ZFYVE1: variants seen among roughly 807,000 people sequenced by gnomAD.
ZFYVE1 encodes the protein zinc finger FYVE-type containing 1, also known as zinc finger FYVE domain-containing protein 1.
In ZFYVE1, 30 loss-of-function variants were observed where a neutral mutation model predicts 74.4. The observed-to-expected ratio is 0.40, with a 90% CI of 0.30 to 0.55. ZFYVE1 has a LOEUF of 0.55. Ranked by LOEUF, ZFYVE1 falls within the 20% of genes least tolerant of loss-of-function variation. The pLI is 0.42. For missense variants in ZFYVE1, 703 were observed against 1,011.6 expected, an observed-to-expected ratio of 0.69 and a Z score of 4.14; for synonymous variants, 335 against 385.1, an observed-to-expected ratio of 0.87 and a Z score of 1.52.
rs745324866 is a variant in ZFYVE1 at position 72,975,583 on chromosome 14, G to A, written c.1774C>T (p.Pro592Ser). The change falls in exon 9 of 12, where the codon CCT becomes TCT. Residue 592 changes from proline to serine, a missense_variant. By Grantham distance (74) the Pro-to-Ser change is moderately conservative (BLOSUM62 -1). Transcript: ENST00000556143. This position sits in a 1 kb window ranked among gnomAD's most constrained non-coding sequence, Gnocchi z 4.1. ...VTSWLTDQIA[P>S]AYWRPNSQIL... Reference sequence around the variant, plus strand: ...TGGGAGTTGGGCCTCCAGTAGGCAGGGGCGATCTGGTCTGTCAGCCAGGAA... The same window carrying A: ...TGGGAGTTGGGCCTCCAGTAGGCAGAGGCGATCTGGTCTGTCAGCCAGGAA... 6.2e-7 allele frequency: 1 copy of A among 1,613,974 alleles called. No individual in the cohort carries two copies.
chr14:73,023,276 T>TATATGTTTTATATATATA (rs1894367072), intron 2 of ZFYVE1, among the ~76,000 whole-genome samples: 2 of 88,354 alleles, frequency 2.3e-5, no homozygotes, highest in Non-Finnish European at 4.6e-5. Context: ...ATAATATATA[T>TATATGTTTTATATATATA]TATATATGTT....
chr14:72,983,722 T>C (rs1893403754), intron 4 of ZFYVE1, among the ~76,000 whole-genome samples: 1 of 152,180 alleles, frequency 6.6e-6, no homozygotes, highest in Non-Finnish European at 1.5e-5. Flanking sequence ...TACCCAGTAA[T>C]GGGATGGCTG....
intron 2 of ZFYVE1, among the ~76,000 whole-genome samples, chr14:73,023,357 TTATA>T (rs1354340685): frequency 1.9e-5 from 1 of 51,714 alleles, no homozygotes; most frequent in African/African-American, 7.5e-5. Context: ...ATAATATATA[TTATA>T]TATGTTTTAT....
At chr14:73,019,978 C>T (rs1477871765) in intron 2 of ZFYVE1, among the ~76,000 whole-genome samples, 1 of 151,686 alleles carries the variant, frequency 6.6e-6, no homozygotes, top group South Asian at 2.1e-4. Context: ...AAATTTATGT[C>T]GGGCGCAGTG....
chr14:72,997,729 C>A, intron 3 of ZFYVE1, 82 bp downstream of exon 3: 1 of 1,493,664 alleles, frequency 6.7e-7, no homozygotes, highest in South Asian at 1.4e-5. Flanking sequence ...AATCCACTAC[C>A]AACAAGTTGC....
In ZFYVE1 at chr14:72,970,712, A is replaced by G; in HGVS notation, c.*170T>C. On this transcript the variant is annotated 3_prime_UTR_variant, in exon 12 of 12. Coordinates refer to ENST00000556143, the MANE Select transcript of ZFYVE1 (RefSeq NM_021260.4). ...AGGTCCCCTGCCCTGAGGGGTCCAC[A>G]CCTTCGGGCCTGCCGCCAGGCTCAC... 2.8e-6 allele frequency: 2 copies of G among 710,362 alleles called. No individual in the cohort carries two copies. Among genetic ancestry groups the G allele is most frequent in the Non-Finnish European group, 4.7e-6 (2 of 428,192 alleles). 44.0% of individuals were successfully genotyped at this position (710,362 alleles called of 1,614,324 possible). A position where few individuals can be genotyped will look rare whatever the true frequency, so the allele number is the denominator to read the frequency against.
chr14:73,016,998 C>T (rs1894216462), intron 2 of ZFYVE1, among the ~76,000 whole-genome samples: 1 of 151,864 alleles, frequency 6.6e-6, no homozygotes, highest in African/African-American at 2.4e-5. Context: ...GAGGAGCAAA[C>T]AGAACTAAAA....
chr14:72,979,171 C>A (rs1213836924), intron 5 of ZFYVE1: 2 of 540,608 alleles, frequency 3.7e-6, no homozygotes, highest in South Asian at 3.9e-5. Context: ...TACAGAGGCA[C>A]AGCGACTACT....
chr14:73,003,592 C>T (rs1334773649), intron 2 of ZFYVE1, among the ~76,000 whole-genome samples: 1 of 152,134 alleles, frequency 6.6e-6, no homozygotes, highest in Non-Finnish European at 1.5e-5. Flanking sequence ...CGCCTATAGT[C>T]CTAGCTACTC....
chr14:72,981,815 G>A lies in ZFYVE1; in HGVS notation c.1284C>T (p.Thr428=), dbSNP rs773936641. 4.6e-5 allele frequency: 74 copies of A among 1,613,990 alleles called. No individual in the cohort carries two copies. Among genetic ancestry groups the A allele is most frequent in the Non-Finnish European group, 5.8e-5 (68 of 1,180,024 alleles). ...HSSFFPDEYF[T]CSSLCLSCGV... is the part of the protein sequence containing the mutation. ...CACAGCTGAGGCACAAGGAGGAGCAGGTGAAATACTCATCTGGAAAAAAGG... is the reference window on the plus strand; with the variant it reads ...CACAGCTGAGGCACAAGGAGGAGCAAGTGAAATACTCATCTGGAAAAAAGG... Residue 428 remains threonine (T), a synonymous_variant, in exon 5 of 12, where the codon ACC becomes ACT. Coordinates refer to ENST00000556143, the MANE Select transcript of ZFYVE1 (RefSeq NM_021260.4).
chr14:72,981,937 G>C (rs1406126939), intron 4 of ZFYVE1, 42 bp from the exon 5 acceptor site: 2 of 1,513,126 alleles, frequency 1.3e-6, no homozygotes, highest in Non-Finnish European at 1.8e-6. Context: ...ACTCAGTAGA[G>C]AGCTCCGCAC....
At chr14:72,990,437 C>T (rs1197875416) in intron 4 of ZFYVE1, among the ~76,000 whole-genome samples, 1 of 151,614 alleles carries the variant, frequency 6.6e-6, no homozygotes, top group Non-Finnish European at 1.5e-5. Context: ...GCTCTTCTTG[C>T]CCAGGCTGGA....
At chr14:72,982,175 C>T (rs1893350995) in intron 4 of ZFYVE1, among the ~76,000 whole-genome samples, 1 of 152,306 alleles carries the variant, frequency 6.6e-6, no homozygotes, top group East Asian at 1.9e-4. Flanking sequence ...GTCTTTTATT[C>T]AAGACCACCA....
intron 3 of ZFYVE1, among the ~76,000 whole-genome samples, chr14:72,994,116 A>G (rs1893688688): frequency 6.6e-6 from 1 of 151,138 alleles, no homozygotes; most frequent in African/African-American, 2.4e-5. Context: ...TGAGGTCGGG[A>G]GTTCGAGACC....
Position 72,974,958 on chromosome 14 carries a change from C to T in ZFYVE1, c.1808G>A (p.Ser603Asn), listed in dbSNP as rs750437478. 1 of 1,603,572 alleles carries T rather than the reference C, an allele frequency of 6.2e-7. No individual in the cohort carries two copies. Among genetic ancestry groups the T allele is most frequent in the Non-Finnish European group, 8.5e-7 (1 of 1,171,362 alleles). The change falls in exon 10 of 12, where the codon AGC becomes AAC. Residue 603 changes from serine (S) to asparagine (N), a missense_variant and splice_region_variant. By Grantham distance (46) the Ser-to-Asn change is conservative. This residue lies in a region of ZFYVE1 where 492 missense variants were observed against 790.0 expected (regional missense o/e 0.62). Transcript: ENST00000556143. The stretch of plus-strand genomic sequence containing the variant: ...AAAGGACGTCGCACACTTGTTGCAG[C>T]TCTGTTCCAAGCCCAAAACAAAACA... ...AYWRPNSQIL[S>N]CNKCATSFKD...
chr14:73,013,834 T>G, intron 2 of ZFYVE1, among the ~76,000 whole-genome samples: 1 of 152,246 alleles, frequency 6.6e-6, no homozygotes, highest in Non-Finnish European at 1.5e-5. Flanking sequence ...TTAGCAGTTC[T>G]AACCTCAGAT....
intron 4 of ZFYVE1, chr14:72,986,795 G>T: frequency 5.0e-6 from 4 of 807,670 alleles, no homozygotes; most frequent in Non-Finnish European, 6.0e-6. Context: ...CTGCAAAAAT[G>T]TTGGGATTAC....
chr14:73,023,455 T>A (rs1209324101), intron 2 of ZFYVE1, among the ~76,000 whole-genome samples: 1 of 143,208 alleles, frequency 7.0e-6, no homozygotes, highest in Non-Finnish European at 1.5e-5. Flanking sequence ...TATATATGTT[T>A]TATATATATA....
intron 2 of ZFYVE1, among the ~76,000 whole-genome samples, chr14:73,010,265 A>T (rs1383618483): frequency 6.6e-6 from 1 of 152,124 alleles, no homozygotes; most frequent in African/African-American, 2.4e-5. Context: ...CAGGAGTTTG[A>T]GACTAGGCTG....
Sources: allele counts gnomAD v4.1 joint callset (sites outside exome capture counted in the v4.1 genomes callset), GRCh38; gene constraint gnomAD v4.1.1; regional missense constraint gnomAD v4.1.1; non-coding constraint Gnocchi (gnomAD v3.1); transcripts MANE v1.5; gene names NCBI Gene and HGNC (gene_info 2026-07-23, HGNC 2026-07-21).